Variants in PSMD5 observed in about 807,000 individuals in gnomAD.
PSMD5 encodes the protein proteasome 26S subunit, non-ATPase 5.
A neutral mutation model predicts 52.1 loss-of-function variants in PSMD5; 40 were observed. The observed-to-expected ratio is 0.77, with a 90% confidence interval of 0.60 to 1.00. The LOEUF (loss-of-function observed/expected upper bound fraction) is 1.00, where lower values mean the gene tolerates loss of function less well. Ranked by LOEUF, PSMD5 falls within the 50% of genes least tolerant of loss-of-function variation. PSMD5 has a pLI of 0.00. For synonymous variants in PSMD5, 211 were observed against 226.6 expected, an observed-to-expected ratio of 0.93 and a Z score of 0.62; for missense variants, 575 against 605.2, an observed-to-expected ratio of 0.95 and a Z score of 0.52.
chr9:120,823,231 CAG>C (rs2045098517), intron 7 of PSMD5, among the ~76,000 whole-genome samples: 2 of 142,596 alleles, frequency 1.4e-5, no homozygotes, highest in African/African-American at 5.2e-5. Flanking sequence ...TTTTTTTTTA[CAG>C]AGTCTCGCAC....
At chr9:120,842,218 TTGCCGC>T (rs2045244260) in intron 1 of PSMD5, 1 of 157,790 alleles carries the variant, frequency 6.3e-6, no homozygotes, top group African/African-American at 2.4e-5. Flanking sequence ...GGGAACTCTC[TTGCCGC>T]TGCTTTTGGG....
chr9:120,820,742 T>C, intron 9 of PSMD5, 97 bp downstream of exon 9: 2 of 1,254,982 alleles, frequency 1.6e-6, no homozygotes, highest in South Asian at 1.9e-5. Context: ...TATGCACTTG[T>C]GCATCCCCAG....
intron 1 of PSMD5, among the ~76,000 whole-genome samples, chr9:120,840,051 C>T (rs936440103): frequency 4.7e-5 from 7 of 148,104 alleles, no homozygotes; most frequent in Non-Finnish European, 1.0e-4. Flanking sequence ...TTGCTTCAAC[C>T]TGGGAGGCGA....
rs2045125496 is a variant in PSMD5 at position 120,826,824 on chromosome 9, T to C, written c.755A>G (p.Gln252Arg). 1 of 1,613,680 alleles carries C rather than the reference T, an allele frequency of 6.2e-7. No homozygotes were observed. Among genetic ancestry groups the C allele is most frequent in the East Asian group, 2.2e-5 (1 of 44,878 alleles). Residue 252 changes from glutamine (Q) to arginine (R), a missense_variant, in exon 6 of 10, where the codon CAA becomes CGA. Transcript: ENST00000210313. ...TGCCCCAACAATTATATTAGAAATT[T>C]GGTCAATTACTCCTTCTTGAGCAAG... ...QYLAQEGVID[Q>R]ISNIIVGADS...
chr9:120,823,556 GGCTGGAGTGTAGTGGCA>G (rs1348342329), intron 7 of PSMD5, among the ~76,000 whole-genome samples: 3 of 141,808 alleles, frequency 2.1e-5, no homozygotes, highest in Non-Finnish European at 4.5e-5. Flanking sequence ...CTGTCACCCA[GGCTGGAGTGTAGTGGCA>G]TGATCTCAGC....
intron 9 of PSMD5, among the ~76,000 whole-genome samples, chr9:120,818,375 T>C (rs1314666101): frequency 6.6e-6 from 1 of 152,226 alleles, no homozygotes; most frequent in Non-Finnish European, 1.5e-5. Flanking sequence ...GTGTGAAAGT[T>C]ACAATATAAA....
intron 1 of PSMD5, among the ~76,000 whole-genome samples, chr9:120,841,181 C>G (rs2045232339): frequency 6.6e-6 from 1 of 152,218 alleles, no homozygotes; most frequent in Admixed American, 6.5e-5. Context: ...CAATGTTATA[C>G]AAGTTTTACA....
chr9:120,827,124 C>T (rs2131425969), intron 5 of PSMD5, among the ~76,000 whole-genome samples: 1 of 152,362 alleles, frequency 6.6e-6, no homozygotes, highest in African/African-American at 2.4e-5. Flanking sequence ...AGATTTAAAT[C>T]TTGACCTTCT....
At position 120,842,790 on chromosome 9, in the gene PSMD5, T is replaced by C. The variant is rs777150450; in HGVS notation, c.120A>G (p.Gln40=). 1.2e-5 allele frequency: 19 copies of C among 1,612,824 alleles called. No homozygotes were observed. The South Asian group carries it at 2.0e-4, about 17-fold the overall frequency. ...QAVPLNELRQ[Q]AAELRLGPLF... Reference sequence around the variant, plus strand: ...GCGGGCCGAGGCGCAGCTCCGCCGCTTGCTGGCGAAGCTCGTTGAGCGGCA... The same window carrying C: ...GCGGGCCGAGGCGCAGCTCCGCCGCCTGCTGGCGAAGCTCGTTGAGCGGCA... Residue 40 remains glutamine (Q), a synonymous_variant, in exon 1 of 10, where the codon CAA becomes CAG. Transcript: ENST00000210313.
intron 5 of PSMD5, among the ~76,000 whole-genome samples, chr9:120,827,905 G>A (rs1429244071): frequency 6.6e-6 from 1 of 152,256 alleles, no homozygotes; most frequent in African/African-American, 2.4e-5. Context: ...TTAGGGAATA[G>A]CGGGTGGAAG....
intron 7 of PSMD5, 38 bp from the exon 8 acceptor site, chr9:120,821,502 TA>T (rs1564474011): frequency 7.2e-7 from 1 of 1,380,288 alleles, no homozygotes; most frequent in Admixed American, 2.1e-5. Flanking sequence ...TTTATTATGG[TA>T]AAATATACAC....
intron 7 of PSMD5, among the ~76,000 whole-genome samples, chr9:120,823,105 C>T (rs2045097496): frequency 6.6e-6 from 1 of 152,074 alleles, no homozygotes; most frequent in Non-Finnish European, 1.5e-5. Flanking sequence ...TAATTTTCAA[C>T]ATATGTGTCT....
chr9:120,827,014 A>G lies in PSMD5; in HGVS notation c.672-107T>C, dbSNP rs547276800. 3.0e-4 allele frequency: 349 copies of G among 1,171,704 alleles called. 4 individuals are homozygous for G. In the South Asian group the frequency reaches 6.2e-3, roughly 21 times the overall value. 72.6% of individuals were successfully genotyped at this position (1,171,704 alleles called of 1,614,324 possible). ...TATTTAATTCTTCTTATCACATTCG[A>G]AAGGTCAATAATCTTGGCTCCTCTT... On this transcript the variant is annotated intron_variant, in intron 5 of 9. Coordinates refer to ENST00000210313, the MANE Select transcript of PSMD5 (RefSeq NM_005047.4).
rs1447177743 is a variant in PSMD5 at position 120,820,821 on chromosome 9, A to G, written c.1257+18T>C. ...AGCTGGCAGGGTCCCAGAAGGACCT[A>G]TGGAAGTGAATACCTACCGTAAACA... On this transcript the variant is annotated intron_variant, in intron 9 of 9. Coordinates refer to ENST00000210313, the MANE Select transcript of PSMD5 (RefSeq NM_005047.4). 1.0e-5 allele frequency: 16 copies of G among 1,548,972 alleles called. No individual in the cohort carries two copies. Among genetic ancestry groups the G allele is most frequent in the Non-Finnish European group, 1.3e-5 (15 of 1,157,556 alleles).
At chr9:120,820,132 T>C (rs1229757116) in intron 9 of PSMD5, among the ~76,000 whole-genome samples, 1 of 152,108 alleles carries the variant, frequency 6.6e-6, no homozygotes, top group Non-Finnish European at 1.5e-5. Flanking sequence ...ATATAACAAA[T>C]AGAACACAAA....
At chr9:120,826,688 C>A in intron 6 of PSMD5, 77 bp downstream of exon 6, 1 of 1,502,940 alleles carries the variant, frequency 6.7e-7, no homozygotes, top group South Asian at 1.3e-5. Flanking sequence ...CCACTCCCTA[C>A]CCCAACCCCC....
At chr9:120,833,541 G>A (rs1292906094) in intron 1 of PSMD5, 85 bp from the exon 2 acceptor site, 2 of 1,396,088 alleles carry the variant, frequency 1.4e-6, no homozygotes, top group East Asian at 4.6e-5. Context: ...GCTTGCGTCA[G>A]CGTCTCCTCC....
At chr9:120,838,623 T>C (rs62581705) in intron 1 of PSMD5, among the ~76,000 whole-genome samples, 20,053 of 152,216 alleles carry the variant, frequency 0.13, 1,436 homozygotes, top group Middle Eastern at 0.17. Context: ...TTCTGAATTA[T>C]TCTGTCTTTA....
chr9:120,831,299 G>A, intron 4 of PSMD5, 32 bp downstream of exon 4: 1 of 1,552,428 alleles, frequency 6.4e-7, no homozygotes, highest in Non-Finnish European at 8.7e-7. Flanking sequence ...ATTCTGCTTT[G>A]TAAGCATGAG....
Sources: gnomAD v4.1 joint callset for allele counts (sites outside exome capture counted in the v4.1 genomes callset) on GRCh38, gnomAD v4.1.1 for gene constraint, MANE v1.5 for transcripts, NCBI Gene and HGNC (gene_info 2026-07-23, HGNC 2026-07-21) for gene names.